BTBD8: variants seen among roughly 807,000 people sequenced by gnomAD.
BTBD8 encodes the protein BTB/POZ domain-containing protein 8.
Under a neutral mutation model 162.9 loss-of-function variants are expected in BTBD8, and 110 were observed. That is an observed-to-expected ratio of 0.68 (90% CI 0.58 to 0.79). BTBD8 has a LOEUF of 0.79. Ranked by LOEUF, BTBD8 falls within the 30% of genes least tolerant of loss-of-function variation. BTBD8 has a pLI of 0.00. For missense variants in BTBD8, 1,905 were observed against 2,085.4 expected, an observed-to-expected ratio of 0.91 and a Z score of 1.68; for synonymous variants, 667 against 716.1, an observed-to-expected ratio of 0.93 and a Z score of 1.10.
At chr1:92,093,980 GA>G (rs1320700100) in intron 2 of BTBD8, among the ~76,000 whole-genome samples, 1 of 152,246 alleles carries the variant, frequency 6.6e-6, no homozygotes, top group Non-Finnish European at 1.5e-5. Flanking sequence ...CATTAAAAGT[GA>G]TTGGAAAAGA....
chr1:92,112,100 G>T (rs1029543815), intron 4 of BTBD8, among the ~76,000 whole-genome samples: 14 of 152,232 alleles, frequency 9.2e-5, no homozygotes, highest in African/African-American at 3.1e-4. Flanking sequence ...ATTAAATAAG[G>T]GAAAGGCACT....
chr1:92,115,332 G>A, intron 4 of BTBD8: 1 of 450,770 alleles, frequency 2.2e-6, no homozygotes, highest in South Asian at 1.8e-5. Flanking sequence ...TCTTGACCAG[G>A]GAGCTAAGCA....
Position 92,184,106 on chromosome 1 carries a change from C to T in BTBD8, c.5155C>T (p.Pro1719Ser), listed in dbSNP as rs368648298. The T allele has an allele frequency of 2.4e-5, 37 of 1,551,616 alleles. No homozygotes were observed. The East Asian group carries it at 6.6e-4, about 28-fold the overall frequency. Residue 1719 changes from proline (P) to serine (S), a missense_variant, in exon 18 of 18, where the codon CCT becomes TCT. Transcript: ENST00000636805. ...AAACTTAGATGTTACAAATTCCGTTCCTGAAGACTTAAGTTTAGCACAGTA... is the reference window on the plus strand; with the variant it reads ...AAACTTAGATGTTACAAATTCCGTTTCTGAAGACTTAAGTTTAGCACAGTA... ...DSNLDVTNSV[P>S]EDLSLAQYLI...
At chr1:92,180,240 GAA>G in intron 16 of BTBD8, 23 bp from the exon 17 acceptor site, 1 of 1,487,304 alleles carries the variant, frequency 6.7e-7, no homozygotes, top group Non-Finnish European at 9.0e-7. Context: ...TTACATTACT[GAA>G]TATACCCTCT....
chr1:92,115,076 CA>C lies in BTBD8; in HGVS notation c.662+7076del, dbSNP rs1648998087. The C allele has an allele frequency of 1.7e-5, 7 of 413,068 alleles. 1 individual carries two copies. The highest frequency in any genetic ancestry group is 1.4e-4 in the South Asian group (7 of 50,884). The allele number at this position is 413,068 out of a possible 1,614,324, so 25.6% of individuals were successfully genotyped here. Reference sequence around the variant, plus strand: ...GTTTCTCCAGAGAGCAGGTCAGGTTCATGACTAACATGTTGGCAGTGGGGAC... The same window carrying C: ...GTTTCTCCAGAGAGCAGGTCAGGTTCTGACTAACATGTTGGCAGTGGGGAC... On this transcript the variant is annotated intron_variant, in intron 4 of 17. Coordinates refer to ENST00000636805, the MANE Select transcript of BTBD8 (RefSeq NM_001376131.1).
chr1:92,180,244 AT>A lies in BTBD8; in HGVS notation c.2582-20del. ...TGGAGGTGATATTACATTACTGAAT[AT>A]ACCCTCTTACTTTTCTTAGGATCCC... On this transcript the variant is annotated intron_variant, in intron 16 of 17. Coordinates refer to ENST00000636805, the MANE Select transcript of BTBD8 (RefSeq NM_001376131.1). 6.7e-7 allele frequency: 1 copy of A among 1,498,114 alleles called. No individual in the cohort carries two copies. The highest frequency in any genetic ancestry group is 8.9e-7 in the Non-Finnish European group (1 of 1,122,252). The allele number at this position is 1,498,114 out of a possible 1,614,324, so 92.8% of individuals were successfully genotyped here. A position where few individuals can be genotyped will look rare whatever the true frequency, so the allele number is the denominator to read the frequency against.
At chr1:92,123,221 C>T (rs1649263826) in intron 4 of BTBD8, among the ~76,000 whole-genome samples, 1 of 152,174 alleles carries the variant, frequency 6.6e-6, no homozygotes, top group African/African-American at 2.4e-5. Flanking sequence ...ACCCTTATGT[C>T]AATACCACAT....
intron 4 of BTBD8, among the ~76,000 whole-genome samples, chr1:92,109,782 A>G (rs919847488): frequency 2.0e-5 from 3 of 152,210 alleles, no homozygotes; most frequent in African/African-American, 7.2e-5. Context: ...AAAGCCCAAC[A>G]TTGGAACTTT....
chr1:92,087,273 G>A (rs1046047454), intron 1 of BTBD8, among the ~76,000 whole-genome samples: 2 of 151,362 alleles, frequency 1.3e-5, no homozygotes, highest in African/African-American at 2.4e-5. Context: ...ATGGCTACCA[G>A]CTGCAGTGCT....
intron 5 of BTBD8, among the ~76,000 whole-genome samples, chr1:92,133,250 T>A (rs1157470): frequency 0.63 from 96,409 of 151,978 alleles, 31,080 homozygotes; most frequent in East Asian, 0.97. Flanking sequence ...CTAACTTGTT[T>A]TATGACTTTG....
chr1:92,110,832 C>T (rs951002477), intron 4 of BTBD8, among the ~76,000 whole-genome samples: 4 of 151,756 alleles, frequency 2.6e-5, no homozygotes, highest in South Asian at 2.1e-4. Flanking sequence ...CGTGAGCTAC[C>T]GCACCTGGCT....
At chr1:92,146,750 C>G (rs1038945782) in intron 7 of BTBD8, among the ~76,000 whole-genome samples, 6 of 152,212 alleles carry the variant, frequency 3.9e-5, no homozygotes, top group Non-Finnish European at 7.4e-5. Flanking sequence ...TAGTGATATG[C>G]ATTTAAGATC....
chr1:92,093,066 T>TCCC (rs1648357608), intron 2 of BTBD8, among the ~76,000 whole-genome samples: 1 of 152,008 alleles, frequency 6.6e-6, no homozygotes, highest in Admixed American at 6.6e-5. Context: ...CTTGGCTACC[T>TCCC]GTGTTCATTA....
intron 4 of BTBD8, among the ~76,000 whole-genome samples, chr1:92,118,803 CTTTTTT>C (rs386367658): frequency 2.1e-4 from 20 of 95,284 alleles, no homozygotes; most frequent in African/African-American, 4.2e-4. Context: ...TTCTTTCTTT[CTTTTTT>C]TTTTTTTTTT....
chr1:92,092,051 A>C (rs1433601685), intron 2 of BTBD8, among the ~76,000 whole-genome samples: 1 of 151,972 alleles, frequency 6.6e-6, no homozygotes, highest in East Asian at 1.9e-4. Flanking sequence ...GGCCTTCAGG[A>C]GTTAGGTTGA....
intron 5 of BTBD8, among the ~76,000 whole-genome samples, chr1:92,130,094 G>A (rs997381989): frequency 6.6e-6 from 1 of 152,174 alleles, no homozygotes; most frequent in Admixed American, 6.5e-5. Context: ...TGAGGGCTCT[G>A]CCCCTGGGTT....
intron 7 of BTBD8, among the ~76,000 whole-genome samples, chr1:92,146,633 C>G (rs1649928684): frequency 6.6e-6 from 1 of 152,182 alleles, no homozygotes; most frequent in Admixed American, 6.5e-5. Context: ...CATTAACCCC[C>G]AGCAACCACT....
intron 9 of BTBD8, among the ~76,000 whole-genome samples, chr1:92,149,779 C>G (rs1040603617): frequency 6.6e-6 from 1 of 152,164 alleles, no homozygotes; most frequent in Non-Finnish European, 1.5e-5. Flanking sequence ...TTCAGCTTCT[C>G]TTACTCCGGG....
intron 7 of BTBD8, among the ~76,000 whole-genome samples, chr1:92,142,275 A>G (rs188679460): frequency 6.6e-6 from 1 of 152,318 alleles, no homozygotes; most frequent in Admixed American, 6.5e-5. Flanking sequence ...TCTCCCTCAT[A>G]TTTCCAGCCA....
Sources: gnomAD v4.1 joint callset for allele counts (sites outside exome capture counted in the v4.1 genomes callset) on GRCh38, gnomAD v4.1.1 for gene constraint, MANE v1.5 for transcripts, NCBI Gene and HGNC (gene_info 2026-07-23, HGNC 2026-07-21) for gene names.